Variants in TPST1 observed in about 807,000 individuals in gnomAD.
TPST1 encodes the protein tyrosylprotein sulfotransferase 1.
A neutral mutation model predicts 34.8 loss-of-function variants in TPST1; 20 were observed. The ratio of observed to expected loss-of-function variants is 0.57; its 90% CI spans 0.40 to 0.84. The LOEUF is 0.84. TPST1 is among the 40% of genes least tolerant of loss of function. The pLI, the probability that TPST1 is intolerant of heterozygous loss-of-function variation, is 0.00. For synonymous variants in TPST1, 152 were observed against 159.4 expected (o/e 0.95, Z 0.35); for missense variants, 353 against 455.5 (o/e 0.78, Z 2.05).
At chr7:66,326,136 G>A (rs961514645) in intron 3 of TPST1, among the ~76,000 whole-genome samples, 2 of 152,154 alleles carry the variant, frequency 1.3e-5, no homozygotes, top group African/African-American at 4.8e-5. Context: ...TCTATCAACT[G>A]TAAAAATGGA....
chr7:66,323,110 T>C (rs1215601454), intron 3 of TPST1, among the ~76,000 whole-genome samples: 1 of 152,204 alleles, frequency 6.6e-6, no homozygotes, highest in Admixed American at 6.5e-5. Context: ...TTTTTGATTT[T>C]TTGCTGTGAA....
At chr7:66,227,729 A>ATTTT (rs34385620) in intron 1 of TPST1, among the ~76,000 whole-genome samples, 375 of 147,814 alleles carry the variant, frequency 2.5e-3, no homozygotes, top group Admixed American at 3.5e-3. Flanking sequence ...GAGCCAACAG[A>ATTTT]TTTTTTTTTT....
Position 66,246,025 on chromosome 7 carries a change from T to C in TPST1, c.845+4755T>C, listed in dbSNP as rs544791145. 3.9e-5 allele frequency among the ~76,000 whole-genome samples: 6 copies of C among 152,050 alleles called. No individual in the cohort carries two copies. In the East Asian group the frequency reaches 1.2e-3, roughly 29 times the overall value. ...GGGTTGTGTCTTTTTTGGTTTTTTT[T>C]TTGGAGACAGGGTCTTGCTCCATCA... is the stretch of plus-strand genomic sequence containing the variant. On this transcript the variant is annotated intron_variant, in intron 2 of 5. Transcript: ENST00000304842.
At chr7:66,302,595 C>A (rs1481632696) in intron 3 of TPST1, among the ~76,000 whole-genome samples, 2 of 152,186 alleles carry the variant, frequency 1.3e-5, no homozygotes, top group Admixed American at 6.5e-5. Flanking sequence ...TCAGCAAAAT[C>A]TTTCCACCTA....
intron 1 of TPST1, among the ~76,000 whole-genome samples, chr7:66,237,774 T>C (rs1230799123): frequency 6.6e-6 from 1 of 152,136 alleles, no homozygotes; most frequent in South Asian, 2.1e-4. Context: ...AATTCACTTA[T>C]GCGATTGTGG....
chr7:66,207,808 C>T (rs907027098), intron 1 of TPST1, among the ~76,000 whole-genome samples: 6 of 152,190 alleles, frequency 3.9e-5, no homozygotes, highest in Non-Finnish European at 8.8e-5. Flanking sequence ...CCTTCCCTTT[C>T]TCTCCACCCA....
chr7:66,247,877 A>G (rs562191266), intron 2 of TPST1, among the ~76,000 whole-genome samples: 1 of 152,322 alleles, frequency 6.6e-6, no homozygotes, highest in South Asian at 2.1e-4. Flanking sequence ...CTAAGGAACA[A>G]CTACGCCCTG....
intron 1 of TPST1, among the ~76,000 whole-genome samples, chr7:66,208,563 G>A (rs1185744586): frequency 6.6e-6 from 1 of 152,046 alleles, no homozygotes; most frequent in Non-Finnish European, 1.5e-5. Flanking sequence ...CTGCCTCCAG[G>A]GTTTGAGTGA....
At chr7:66,212,533 C>T (rs1429712221) in intron 1 of TPST1, among the ~76,000 whole-genome samples, 2 of 150,664 alleles carry the variant, frequency 1.3e-5, no homozygotes, top group Non-Finnish European at 2.9e-5. Context: ...GATCTCGGCT[C>T]ACTGCAACCT....
chr7:66,317,563 C>T (rs1380556006), intron 3 of TPST1, among the ~76,000 whole-genome samples: 6 of 150,224 alleles, frequency 4.0e-5, no homozygotes, highest in South Asian at 2.1e-4. Flanking sequence ...CCTAGTATAT[C>T]GTTTTTATAA....
intron 2 of TPST1, among the ~76,000 whole-genome samples, chr7:66,249,442 A>C (rs1009971035): frequency 6.6e-6 from 1 of 152,216 alleles, no homozygotes; most frequent in Admixed American, 6.5e-5. Context: ...ATGAAGAATT[A>C]TTTCATTGTT....
upstream of TPST1, among the ~76,000 whole-genome samples, chr7:66,201,006 G>A (rs1789029118): frequency 1.3e-5 from 2 of 152,136 alleles, no homozygotes; most frequent in African/African-American, 4.8e-5. Flanking sequence ...GGCATTACAG[G>A]TGTGAGCCAC....
At chr7:66,323,341 C>T (rs543718583) in intron 3 of TPST1, among the ~76,000 whole-genome samples, 16 of 152,176 alleles carry the variant, frequency 1.1e-4, no homozygotes, top group South Asian at 8.3e-4. Flanking sequence ...CCTGCCTGGC[C>T]GCTGTGGATT....
At chr7:66,201,520 G>A (rs964438758), upstream of TPST1, among the ~76,000 whole-genome samples, 7 of 151,888 alleles carry the variant, frequency 4.6e-5, no homozygotes, top group Admixed American at 4.6e-4. Context: ...GTGAAACCCT[G>A]TCTCTACTAA....
intron 3 of TPST1, among the ~76,000 whole-genome samples, chr7:66,336,100 G>C (rs1163900175): frequency 6.6e-6 from 1 of 152,208 alleles, no homozygotes; most frequent in Non-Finnish European, 1.5e-5. Flanking sequence ...CACGAGGTCA[G>C]GGGATCGAGA....
chr7:66,222,520 T>C (rs1030947757), intron 1 of TPST1, among the ~76,000 whole-genome samples: 1 of 152,194 alleles, frequency 6.6e-6, no homozygotes, highest in Non-Finnish European at 1.5e-5. Flanking sequence ...CTAACCACAA[T>C]ACAGTGGTAT....
chr7:66,321,298 T>A (rs1470563218), intron 3 of TPST1, among the ~76,000 whole-genome samples: 1 of 152,184 alleles, frequency 6.6e-6, no homozygotes, highest in Non-Finnish European at 1.5e-5. Context: ...CACCTGAGCT[T>A]TTGTGTCCAG....
chr7:66,353,933 C>A (rs1457931543), intron 4 of TPST1, among the ~76,000 whole-genome samples: 1 of 152,206 alleles, frequency 6.6e-6, no homozygotes, highest in Non-Finnish European at 1.5e-5. Context: ...TCCTTCCTGA[C>A]CCTTTTCTGA....
chr7:66,354,259 C>T (rs1183560764), intron 4 of TPST1, among the ~76,000 whole-genome samples: 1 of 152,074 alleles, frequency 6.6e-6, no homozygotes, highest in Non-Finnish European at 1.5e-5. Flanking sequence ...CTGACACCGG[C>T]TGTGGAAATT....
Sources: allele counts gnomAD v4.1 joint callset (sites outside exome capture counted in the v4.1 genomes callset), GRCh38; gene constraint gnomAD v4.1.1; transcripts MANE v1.5; gene names NCBI Gene and HGNC (gene_info 2026-07-23, HGNC 2026-07-21).